The following TENM2 variants were observed in gnomAD, a reference collection of about 807,000 sequenced individuals.
TENM2 encodes teneurin-2.
In TENM2, 52 loss-of-function variants were observed where a neutral mutation model predicts 245.2. The ratio of observed to expected loss-of-function variants is 0.21; its 90% CI spans 0.17 to 0.27. The LOEUF (loss-of-function observed/expected upper bound fraction) is 0.27, where lower values mean the gene tolerates loss of function less well. TENM2 is among the 10% of genes least tolerant of loss of function. TENM2 has a pLI of 1.00. For missense variants in TENM2, 3,046 were observed against 3,666.8 expected, an observed-to-expected ratio of 0.83 and a Z score of 4.37; for synonymous variants, 1,363 against 1,438.9, an observed-to-expected ratio of 0.95 and a Z score of 1.19.
At chr5:167,141,471 T>A in the TENM2 span, among the ~76,000 whole-genome samples, 1 of 152,172 alleles carries the variant, frequency 6.6e-6, no homozygotes, top group African/African-American at 2.4e-5. Context: ...AGCAAACATA[T>A]AACTCTGTCA....
At chr5:167,145,242 C>T in the TENM2 span, among the ~76,000 whole-genome samples, 1 of 152,296 alleles carries the variant, frequency 6.6e-6, no homozygotes, top group South Asian at 2.1e-4. Flanking sequence ...CTTTGGGAGG[C>T]TATTACTCAA....
intron 2 of TENM2, among the ~76,000 whole-genome samples, chr5:167,589,301 A>G (rs1294094079): frequency 6.6e-6 from 1 of 152,182 alleles, no homozygotes; most frequent in African/African-American, 2.4e-5. Context: ...GTCTCTGTTC[A>G]GTGTTCCCTT....
intron 2 of TENM2, among the ~76,000 whole-genome samples, chr5:167,597,697 ATTTGT>A (rs894663129): frequency 1.5e-4 from 23 of 152,160 alleles, no homozygotes; most frequent in African/African-American, 5.1e-4. Flanking sequence ...TATAATTAAG[ATTTGT>A]TTTGTCACAC....
At chr5:167,406,543 C>T (rs1762648452) in intron 2 of TENM2, among the ~76,000 whole-genome samples, 2 of 152,060 alleles carry the variant, frequency 1.3e-5, no homozygotes, top group Admixed American at 1.3e-4. Flanking sequence ...AAGACAATTG[C>T]CAACAATATT....
intron 2 of TENM2, among the ~76,000 whole-genome samples, chr5:167,522,669 G>A (rs537878686): frequency 2.6e-5 from 4 of 152,132 alleles, no homozygotes; most frequent in African/African-American, 4.8e-5. Flanking sequence ...TAGTAAGATA[G>A]CATAGAGGAA....
rs375863025 is a variant in TENM2, at chr5:167,350,871, T to C, written c.227-24327T>C. Among the ~76,000 whole-genome samples the C allele has an allele frequency of 5.8e-4, 51 of 87,706 alleles. 3 individuals are homozygous for C. Among genetic ancestry groups the C allele is most frequent in the East Asian group, 2.1e-3 (6 of 2,864 alleles). 57.5% of individuals were successfully genotyped at this position (87,706 alleles called of 152,430 possible). On this transcript the variant is annotated intron_variant, in intron 1 of 28. Transcript: ENST00000518659. ...GATATATATATGGGATGTATACATA[T>C]GGATATATATATATGGGATGTATAC...
At chr5:167,503,751 A>C in intron 2 of TENM2, among the ~76,000 whole-genome samples, 1 of 152,050 alleles carries the variant, frequency 6.6e-6, no homozygotes, top group Non-Finnish European at 1.5e-5. Context: ...AAAATTAGCC[A>C]GGCCCAGTGG....
intron 25 of TENM2, chr5:168,232,225 T>C (rs1037922162): frequency 7.2e-5 from 11 of 151,958 alleles, no homozygotes; most frequent in African/African-American, 2.2e-4. Flanking sequence ...AGAAAGAAGG[T>C]AGGGGGAGAG....
the TENM2 span, among the ~76,000 whole-genome samples, chr5:167,076,324 C>T: frequency 1.3e-5 from 2 of 152,050 alleles, no homozygotes; most frequent in South Asian, 4.2e-4. Context: ...GTCTGTTTCT[C>T]ATTGTTTAAA....
At chr5:167,069,657 T>C in the TENM2 span, among the ~76,000 whole-genome samples, 2 of 152,218 alleles carry the variant, frequency 1.3e-5, no homozygotes, top group African/African-American at 4.8e-5. Flanking sequence ...AGTGAATTTA[T>C]TTATAGAGAG....
At chr5:167,129,592 C>A in the TENM2 span, among the ~76,000 whole-genome samples, 1 of 152,182 alleles carries the variant, frequency 6.6e-6, no homozygotes, top group Non-Finnish European at 1.5e-5. Context: ...TGCACTTAAG[C>A]ATTCTAAGCC....
At chr5:167,200,955 C>A in the TENM2 span, among the ~76,000 whole-genome samples, 1 of 152,158 alleles carries the variant, frequency 6.6e-6, no homozygotes. Flanking sequence ...CCAAAGGAAT[C>A]ATGAATCAAA....
intron 2 of TENM2, among the ~76,000 whole-genome samples, chr5:167,501,109 T>C (rs1473851092): frequency 6.6e-6 from 1 of 152,206 alleles, no homozygotes; most frequent in Non-Finnish European, 1.5e-5. Context: ...AATACTTTCT[T>C]TCTTGAAACA....
At chr5:167,543,792 A>G (rs1772373749) in intron 2 of TENM2, among the ~76,000 whole-genome samples, 1 of 152,130 alleles carries the variant, frequency 6.6e-6, no homozygotes. Flanking sequence ...TCTGGCTTGC[A>G]GTCGCAGCAT....
chr5:168,037,716 T>C (rs889623450), intron 5 of TENM2, among the ~76,000 whole-genome samples: 2 of 152,158 alleles, frequency 1.3e-5, no homozygotes, highest in Admixed American at 6.5e-5. Context: ...TCTGTCTTTC[T>C]TTAAGGAGAT....
chr5:168,195,380 GGATTCCC>G (rs1761321308), intron 15 of TENM2, 85 bp downstream of exon 17: 2 of 1,487,654 alleles, frequency 1.3e-6, no homozygotes, highest in Non-Finnish European at 1.8e-6. Context: ...TGGAACCACA[GGATTCCC>G]CCTGGTGGAC....
At position 167,473,458 on chromosome 5, in the gene TENM2, C is replaced by T. The variant is rs554700132; in HGVS notation, c.502+97985C>T. On this transcript the variant is annotated intron_variant, in intron 2 of 28. Coordinates refer to ENST00000518659, the Ensembl canonical transcript of TENM2. ...GCACATTTCTTTAAAGAACCAAGGACGAAGGAAAGTTCATTCTCATTCTGA... is the reference window on the plus strand; with the variant it reads ...GCACATTTCTTTAAAGAACCAAGGATGAAGGAAAGTTCATTCTCATTCTGA... Among the ~76,000 whole-genome samples, 4 of 152,106 alleles carry T rather than the reference C, an allele frequency of 2.6e-5. No individual in the cohort carries two copies. In the East Asian group the frequency reaches 7.7e-4, roughly 29 times the overall value.
intron 2 of TENM2, among the ~76,000 whole-genome samples, chr5:167,672,185 T>A (rs1443482273): frequency 1.3e-5 from 2 of 150,754 alleles, no homozygotes; most frequent in Non-Finnish European, 2.9e-5. Context: ...AAAGACAATT[T>A]CATAAAATAA....
chr5:167,265,178 A>T, the TENM2 span, among the ~76,000 whole-genome samples: 2 of 151,572 alleles, frequency 1.3e-5, no homozygotes, highest in African/African-American at 4.8e-5. Flanking sequence ...ATACAAAAAA[A>T]AAAAATTAAC....
Sources: allele counts gnomAD v4.1 joint callset (sites outside exome capture counted in the v4.1 genomes callset), GRCh38; gene constraint gnomAD v4.1.1; transcripts MANE v1.5; gene names NCBI Gene and HGNC (gene_info 2026-07-23, HGNC 2026-07-21).